Variants in SNX29 observed in about 807,000 individuals in gnomAD.
SNX29 encodes sorting nexin-29.
A neutral mutation model predicts 102.1 loss-of-function variants in SNX29; 78 were observed. The ratio of observed to expected loss-of-function variants is 0.76; its 90% CI spans 0.64 to 0.92. The LOEUF is 0.92. Among genes scored for constraint, SNX29 ranks in the 40% least tolerant of loss-of-function variants. The pLI, the probability that SNX29 is intolerant of heterozygous loss-of-function variation, is 0.00. For synonymous variants in SNX29, 580 were observed against 414.5 expected, an observed-to-expected ratio of 1.40 and a Z score of -4.85; for missense variants, 1,280 against 1,061.7, an observed-to-expected ratio of 1.21 and a Z score of -2.86.
chr16:12,194,379 G>A (rs571466650), intron 13 of SNX29, among the ~76,000 whole-genome samples: 1 of 152,072 alleles, frequency 6.6e-6, no homozygotes, highest in Non-Finnish European at 1.5e-5. Context: ...GACCATTTTT[G>A]TCAGTTCTTG....
At chr16:12,559,412 T>C (rs1303905477) in intron 20 of SNX29, among the ~76,000 whole-genome samples, 1 of 151,386 alleles carries the variant, frequency 6.6e-6, no homozygotes, top group Non-Finnish European at 1.5e-5. Flanking sequence ...AGGGACCATC[T>C]AGTTGCAGGA....
intron 19 of SNX29, among the ~76,000 whole-genome samples, chr16:12,506,318 A>G (rs1316082663): frequency 1.3e-5 from 2 of 152,168 alleles, no homozygotes; most frequent in African/African-American, 2.4e-5. Flanking sequence ...CCTAAAAAAA[A>G]AGCTGGGCTT....
intron 18 of SNX29, among the ~76,000 whole-genome samples, chr16:12,423,816 C>G (rs1001713843): frequency 1.3e-5 from 2 of 152,206 alleles, no homozygotes; most frequent in African/African-American, 4.8e-5. Flanking sequence ...AAGTGATCCA[C>G]CAGCCTCAGC....
chr16:12,342,144 A>ACCT (rs2081627712), intron 15 of SNX29, among the ~76,000 whole-genome samples: 2 of 152,174 alleles, frequency 1.3e-5, no homozygotes, highest in Non-Finnish European at 2.9e-5. Context: ...CTAGGCAGGG[A>ACCT]AGCATTGTGA....
At chr16:11,983,071 C>T (rs769879570) in intron 1 of SNX29, among the ~76,000 whole-genome samples, 16 of 151,914 alleles carry the variant, frequency 1.1e-4, no homozygotes, top group Non-Finnish European at 1.8e-4. Context: ...GCTGGGATTA[C>T]GGGCGTGCAC....
At chr16:12,359,887 G>C (rs916902709) in intron 16 of SNX29, among the ~76,000 whole-genome samples, 1 of 152,042 alleles carries the variant, frequency 6.6e-6, no homozygotes, top group Non-Finnish European at 1.5e-5. Flanking sequence ...GCAGTGGTGC[G>C]ATCTCAGCTC....
chr16:12,538,175 G>C (rs1268192517), intron 20 of SNX29, among the ~76,000 whole-genome samples: 1 of 152,118 alleles, frequency 6.6e-6, no homozygotes, highest in Non-Finnish European at 1.5e-5. Context: ...GAGTGCAGTG[G>C]TGTGATCTAG....
intron 18 of SNX29, among the ~76,000 whole-genome samples, chr16:12,450,443 A>G (rs1037018928): frequency 7.9e-5 from 12 of 152,190 alleles, no homozygotes; most frequent in African/African-American, 2.9e-4. Flanking sequence ...AGAAAAGGGT[A>G]CAGCTCTCTA....
At chr16:12,307,827 A>G (rs1284042680) in intron 15 of SNX29, among the ~76,000 whole-genome samples, 1 of 152,188 alleles carries the variant, frequency 6.6e-6, no homozygotes, top group Non-Finnish European at 1.5e-5. Flanking sequence ...AAGTCCTGCT[A>G]CCCTGAGATC....
At chr16:12,412,639 G>T (rs1426885557) in intron 18 of SNX29, among the ~76,000 whole-genome samples, 1 of 152,166 alleles carries the variant, frequency 6.6e-6, no homozygotes, top group Non-Finnish European at 1.5e-5. Context: ...AGAAAACTTA[G>T]AGCTCACCTG....
At chr16:12,392,902 T>C (rs1255576381) in intron 16 of SNX29, among the ~76,000 whole-genome samples, 1 of 152,238 alleles carries the variant, frequency 6.6e-6, no homozygotes, top group Non-Finnish European at 1.5e-5. Flanking sequence ...AGGCTGACTT[T>C]ATGATCAGAT....
chr16:12,542,617 C>T (rs539172891), intron 20 of SNX29, among the ~76,000 whole-genome samples: 4 of 152,344 alleles, frequency 2.6e-5, no homozygotes, highest in African/African-American at 9.6e-5. Context: ...CAGGCGTGAG[C>T]CACGGCACCC....
chr16:12,291,158 T>TG (rs2151062621), intron 15 of SNX29, among the ~76,000 whole-genome samples: 1 of 152,250 alleles, frequency 6.6e-6, no homozygotes, highest in East Asian at 1.9e-4. Flanking sequence ...CTTTCTGGGT[T>TG]GACATCATTT....
intron 9 of SNX29, among the ~76,000 whole-genome samples, chr16:12,065,671 G>T (rs1424767068): frequency 6.6e-6 from 1 of 152,150 alleles, no homozygotes; most frequent in African/African-American, 2.4e-5. Flanking sequence ...TACTGTTTTG[G>T]TTGTCAGTGT....
chr16:12,566,342 C>G (rs2079006290), intron 20 of SNX29, among the ~76,000 whole-genome samples: 2 of 152,172 alleles, frequency 1.3e-5, no homozygotes, highest in African/African-American at 4.8e-5. Flanking sequence ...TAACAGTCAC[C>G]CCACCGACTG....
At chr16:12,418,295 A>T (rs1027827840) in intron 18 of SNX29, among the ~76,000 whole-genome samples, 1 of 152,158 alleles carries the variant, frequency 6.6e-6, no homozygotes, top group Non-Finnish European at 1.5e-5. Context: ...GATTAACCTG[A>T]TCAGGAGAGA....
chr16:11,983,308 C>A lies in SNX29; in HGVS notation c.7+6495C>A, dbSNP rs552565640. 2.0e-5 allele frequency among the ~76,000 whole-genome samples: 3 copies of A among 149,178 alleles called. No individual in the cohort carries two copies. In the South Asian group the frequency reaches 6.4e-4, roughly 32 times the overall value. ...CCCAGGTTTATCTGGTACTCCTGGC[C>A]TTAAGCCATCCTGTCTCAACCTTCC... is the stretch of plus-strand genomic sequence containing the variant. On this transcript the variant is annotated intron_variant, in intron 1 of 20. Coordinates refer to ENST00000566228, the MANE Select transcript of SNX29 (RefSeq NM_032167.5).
At chr16:12,435,866 C>T (rs1164655795) in intron 18 of SNX29, among the ~76,000 whole-genome samples, 1 of 152,160 alleles carries the variant, frequency 6.6e-6, no homozygotes, top group East Asian at 1.9e-4. Flanking sequence ...CCCAGCTGGG[C>T]AGGGCATCCT....
At chr16:12,179,978 A>G (rs1042972566) in intron 13 of SNX29, among the ~76,000 whole-genome samples, 1 of 152,200 alleles carries the variant, frequency 6.6e-6, no homozygotes, top group Non-Finnish European at 1.5e-5. Context: ...TTTCAGGTAC[A>G]TGGCATGTTC....
Sources: allele counts gnomAD v4.1 joint callset (sites outside exome capture counted in the v4.1 genomes callset), GRCh38; gene constraint gnomAD v4.1.1; transcripts MANE v1.5; gene names NCBI Gene and HGNC (gene_info 2026-07-23, HGNC 2026-07-21).